MTA3: variants seen among roughly 807,000 people sequenced by gnomAD.
MTA3 encodes metastasis associated 1 family member 3.
A neutral mutation model predicts 83.5 loss-of-function variants in MTA3; 34 were observed. The ratio of observed to expected loss-of-function variants is 0.41; its 90% CI spans 0.31 to 0.54. The LOEUF (loss-of-function observed/expected upper bound fraction) is 0.54. Among genes scored for constraint, MTA3 ranks in the 20% least tolerant of loss-of-function variants. The probability of loss-of-function intolerance (pLI) is 0.33; values close to 1 mark genes in which losing one functional copy is unlikely to be tolerated. For synonymous variants in MTA3, 303 were observed against 252.7 expected, an observed-to-expected ratio of 1.20 and a Z score of -1.89; for missense variants, 761 against 726.4, an observed-to-expected ratio of 1.05 and a Z score of -0.55.
intron 4 of MTA3, among the ~76,000 whole-genome samples, chr2:42,614,641 A>G (rs1207113988): frequency 4.6e-5 from 7 of 151,504 alleles, no homozygotes; most frequent in Non-Finnish European, 2.9e-5. Flanking sequence ...ACCCAGTCTT[A>G]TATATAACTC....
At chr2:42,536,085 C>T (rs1254213972) in intron 2 of MTA3, among the ~76,000 whole-genome samples, 1 of 151,110 alleles carries the variant, frequency 6.6e-6, no homozygotes, top group Non-Finnish European at 1.5e-5. Flanking sequence ...ATGCCAGTGC[C>T]CTCCAGCCTG....
intron 2 of MTA3, among the ~76,000 whole-genome samples, chr2:42,549,369 ACGTATAT>A (rs1442018132): frequency 8.2e-6 from 1 of 121,628 alleles, no homozygotes; most frequent in African/African-American, 3.2e-5. Flanking sequence ...ATACGTATAT[ACGTATAT>A]AAAATATATG....
intron 2 of MTA3, among the ~76,000 whole-genome samples, chr2:42,519,260 A>G (rs548195711): frequency 2.0e-5 from 3 of 152,244 alleles, no homozygotes; most frequent in African/African-American, 7.2e-5. Context: ...ATAGAGGGAC[A>G]TTCTACAAAA....
intron 3 of MTA3, among the ~76,000 whole-genome samples, chr2:42,597,190 G>A (rs1377771637): frequency 1.3e-5 from 2 of 151,638 alleles, no homozygotes; most frequent in Non-Finnish European, 2.9e-5. Flanking sequence ...GGGATTAGAG[G>A]CATGAGCCAC....
chr2:42,690,550 C>T (rs928327225), intron 9 of MTA3, among the ~76,000 whole-genome samples: 18 of 151,138 alleles, frequency 1.2e-4, no homozygotes, highest in African/African-American at 4.4e-4. Flanking sequence ...TTTTGTTTTC[C>T]ATTAATTTTG....
At chr2:42,549,275 T>C (rs1227227533) in intron 2 of MTA3, among the ~76,000 whole-genome samples, 2 of 117,864 alleles carry the variant, frequency 1.7e-5, no homozygotes, top group Non-Finnish European at 3.4e-5. Flanking sequence ...CGTGTACGTA[T>C]ATATGTAATA....
At chr2:42,530,858 C>G (rs1675932637) in intron 2 of MTA3, among the ~76,000 whole-genome samples, 1 of 152,112 alleles carries the variant, frequency 6.6e-6, no homozygotes, top group African/African-American at 2.4e-5. Flanking sequence ...GAGACAGAGT[C>G]TCACTTCATC....
intron 16 of MTA3, 34 bp from the exon 17 acceptor site, chr2:42,753,340 G>A (rs1340495364): frequency 1.3e-6 from 2 of 1,550,384 alleles, no homozygotes; most frequent in Non-Finnish European, 1.7e-6. Flanking sequence ...ATCGGGACTT[G>A]TTTAACCTTC....
upstream of MTA3, chr2:42,568,454 C>T (rs1678041952): frequency 1.2e-5 from 2 of 167,242 alleles, no homozygotes; most frequent in South Asian, 2.1e-4. Flanking sequence ...TTCCCCTCCC[C>T]CTCCCCCCCA....
intron 2 of MTA3, among the ~76,000 whole-genome samples, chr2:42,503,458 C>T (rs1441715575): frequency 2.0e-5 from 3 of 152,102 alleles, no homozygotes; most frequent in East Asian, 1.9e-4. Context: ...AATGCCTAAC[C>T]GTCTGGGAAT....
intron 2 of MTA3, among the ~76,000 whole-genome samples, chr2:42,538,858 T>A (rs1572946938): frequency 1.4e-5 from 2 of 144,754 alleles, no homozygotes; most frequent in African/African-American, 5.2e-5. Context: ...CACTGCAAGC[T>A]CCGCTTCCCG....
intron 12 of MTA3, among the ~76,000 whole-genome samples, chr2:42,706,082 T>G (rs913337855): frequency 6.6e-6 from 1 of 152,120 alleles, no homozygotes; most frequent in Non-Finnish European, 1.5e-5. Context: ...CATAGCTTAA[T>G]GTTTAAGATT....
chr2:42,713,885 A>T (rs965962655), intron 14 of MTA3, among the ~76,000 whole-genome samples: 1 of 152,230 alleles, frequency 6.6e-6, no homozygotes, highest in Non-Finnish European at 1.5e-5. Context: ...CCTTATGCAG[A>T]TATCATTTCA....
intron 6 of MTA3, among the ~76,000 whole-genome samples, chr2:42,649,005 G>A (rs899567689): frequency 6.6e-6 from 1 of 152,018 alleles, no homozygotes; most frequent in Non-Finnish European, 1.5e-5. Flanking sequence ...ACATTATATC[G>A]TTGCGATGAG....
chr2:42,524,576 G>A (rs563619053), intron 2 of MTA3, among the ~76,000 whole-genome samples: 24 of 145,470 alleles, frequency 1.6e-4, no homozygotes, highest in African/African-American at 4.6e-4. Flanking sequence ...TGCCCATCTC[G>A]GCCTCCCAAA....
At chr2:42,625,754 A>G (rs1686013686) in intron 4 of MTA3, among the ~76,000 whole-genome samples, 1 of 150,762 alleles carries the variant, frequency 6.6e-6, no homozygotes, top group Non-Finnish European at 1.5e-5. Context: ...CTCAAAAAAA[A>G]AAAAAAAAAA....
upstream of MTA3, among the ~76,000 whole-genome samples, chr2:42,564,391 G>C (rs918287158): frequency 1.3e-5 from 2 of 152,140 alleles, no homozygotes; most frequent in Non-Finnish European, 2.9e-5. Context: ...TTGCACAGGA[G>C]ATCTATGGAA....
chr2:42,585,514 G>T (rs1474176722), intron 3 of MTA3, among the ~76,000 whole-genome samples: 2 of 130,574 alleles, frequency 1.5e-5, no homozygotes, highest in Non-Finnish European at 3.1e-5. Flanking sequence ...TCACTCTGTC[G>T]CCCAGGCCGG....
chr2:42,628,783 T>C (rs1025136009), intron 4 of MTA3, among the ~76,000 whole-genome samples: 1 of 152,192 alleles, frequency 6.6e-6, no homozygotes, highest in South Asian at 2.1e-4. Flanking sequence ...TTTTTTTTTT[T>C]TTTTTTGGTT....
Sources: gnomAD v4.1 joint callset for allele counts (sites outside exome capture counted in the v4.1 genomes callset) on GRCh38, gnomAD v4.1.1 for gene constraint, MANE v1.5 for transcripts, NCBI Gene and HGNC (gene_info 2026-07-23, HGNC 2026-07-21) for gene names.